Variants in DAB1 observed in about 807,000 individuals in gnomAD.
DAB1 encodes DAB adaptor protein 1.
A neutral mutation model predicts 64.6 loss-of-function variants in DAB1; 15 were observed. The ratio of observed to expected loss-of-function variants is 0.23; its 90% CI spans 0.16 to 0.36. The LOEUF (loss-of-function observed/expected upper bound fraction) is 0.36. Among genes scored for constraint, DAB1 ranks in the 10% least tolerant of loss-of-function variants. The probability of loss-of-function intolerance (pLI) is 1.00; values close to 1 mark genes in which losing one functional copy is unlikely to be tolerated. For missense variants in DAB1, 596 were observed against 706.7 expected (o/e 0.84, Z 1.78); for synonymous variants, 235 against 251.9 (o/e 0.93, Z 0.64).
intron 1 of DAB1, among the ~76,000 whole-genome samples, chr1:58,543,041 A>C (rs1313992504): frequency 1.3e-5 from 2 of 152,156 alleles, no homozygotes; most frequent in Non-Finnish European, 2.9e-5. Flanking sequence ...TTAAGTGTAG[A>C]CAGAAGATAA....
chr1:58,253,976 C>A (rs1213936903), intron 4 of DAB1, among the ~76,000 whole-genome samples: 1 of 152,098 alleles, frequency 6.6e-6, no homozygotes, highest in Admixed American at 6.5e-5. Context: ...TTGTAAAGCA[C>A]CCTACAAGGA....
intron 5 of DAB1, among the ~76,000 whole-genome samples, chr1:58,141,778 T>C (rs1654299057): frequency 6.6e-6 from 1 of 151,854 alleles, no homozygotes; most frequent in Non-Finnish European, 1.5e-5. Context: ...TTTTATGGAG[T>C]TGGTAATGGA....
chr1:58,487,099 G>A (rs926307886), intron 3 of DAB1, among the ~76,000 whole-genome samples: 5 of 152,222 alleles, frequency 3.3e-5, no homozygotes, highest in African/African-American at 9.6e-5. Context: ...ACGTGACATC[G>A]TGAGGTGAAA....
intron 7 of DAB1, among the ~76,000 whole-genome samples, chr1:57,601,544 C>T (rs1036635441): frequency 1.3e-5 from 2 of 152,024 alleles, no homozygotes; most frequent in African/African-American, 2.4e-5. Flanking sequence ...CTGGAGTCTC[C>T]AGCTGGAGAC....
chr1:58,218,398 G>A (rs1195330526), intron 4 of DAB1, among the ~76,000 whole-genome samples: 5 of 152,142 alleles, frequency 3.3e-5, no homozygotes, highest in Non-Finnish European at 5.9e-5. Context: ...TGAGGGTGAG[G>A]TTAAGAATTT....
At chr1:57,777,141 C>CTTTTTTTTTTT (rs71051255) in intron 6 of DAB1, among the ~76,000 whole-genome samples, 1 of 90,404 alleles carries the variant, frequency 1.1e-5, no homozygotes, top group African/African-American at 4.5e-5. Flanking sequence ...TTCTGAATTT[C>CTTTTTTTTTTT]TTTTTTTTTT....
In DAB1 at chr1:57,908,589, T is replaced by A. The variant is rs555146535; in HGVS notation, n.388-24427A>T. ...CACAGGCACAATCCTGCCTACCATA[T>A]TCCAAGCGCAGTCAGAGTCCTCAGG... On this transcript the variant is annotated intron_variant and non_coding_transcript_variant, in intron 5 of 20. Transcript: ENST00000485760. Among the ~76,000 whole-genome samples, 21 of 148,380 alleles carry A rather than the reference T, an allele frequency of 1.4e-4. No homozygotes were observed. In the South Asian group the frequency reaches 4.5e-3, roughly 31 times the overall value.
At chr1:57,261,418 C>T (rs906976674) in intron 2 of DAB1, among the ~76,000 whole-genome samples, 2 of 152,278 alleles carry the variant, frequency 1.3e-5, no homozygotes, top group African/African-American at 4.8e-5. Flanking sequence ...GCATGGTTGA[C>T]CCCTTACCAT....
At position 57,696,278 on chromosome 1, in the gene DAB1, T is replaced by C. The variant is rs531779054; in HGVS notation, n.552-46613A>G. ...TGTTCCCCGGGAAACAGGCCTGAGA[T>C]GGAAATCTGCAAGCAGGAGTTTTGT... is the stretch of plus-strand genomic sequence containing the variant. On this transcript the variant is annotated intron_variant and non_coding_transcript_variant, in intron 6 of 20. Transcript: ENST00000485760. Among the ~76,000 whole-genome samples the C allele has an allele frequency of 5.5e-4, 83 of 152,188 alleles. 1 individual carries two copies. Among genetic ancestry groups the C allele is most frequent in the Middle Eastern group, 3.4e-3 (1 of 294 alleles).
chr1:58,412,104 C>G (rs965435334), intron 3 of DAB1, among the ~76,000 whole-genome samples: 1 of 152,186 alleles, frequency 6.6e-6, no homozygotes, highest in Non-Finnish European at 1.5e-5. Context: ...ACCCAGAGTC[C>G]TCCCTTATCT....
At chr1:58,263,283 C>T (rs1370798334) in intron 4 of DAB1, among the ~76,000 whole-genome samples, 4 of 152,076 alleles carry the variant, frequency 2.6e-5, no homozygotes, top group Non-Finnish European at 4.4e-5. Context: ...TGATGATAGC[C>T]GACATTTATT....
intron 4 of DAB1, among the ~76,000 whole-genome samples, chr1:58,196,371 T>G (rs1192415851): frequency 6.6e-6 from 1 of 151,796 alleles, no homozygotes; most frequent in African/African-American, 2.4e-5. Context: ...ATAACTTGAG[T>G]TTTTTCTTAG....
At chr1:57,192,647 T>C (rs956001638) in intron 2 of DAB1, among the ~76,000 whole-genome samples, 1 of 152,222 alleles carries the variant, frequency 6.6e-6, no homozygotes, top group Non-Finnish European at 1.5e-5. Flanking sequence ...CTGTGTTCTC[T>C]ACCTGCACCA....
intron 11 of DAB1, among the ~76,000 whole-genome samples, chr1:57,022,137 G>C (rs1178526023): frequency 6.6e-6 from 1 of 152,180 alleles, no homozygotes; most frequent in Non-Finnish European, 1.5e-5. Flanking sequence ...GGAACATAGA[G>C]GGCACCTGGT....
In DAB1 at chr1:57,315,793, C is replaced by A. The variant is rs141527091; in HGVS notation, c.-136-24627G>T. On this transcript the variant is annotated intron_variant, in intron 1 of 14. Coordinates refer to ENST00000371236, the MANE Select transcript of DAB1 (RefSeq NM_001365792.1). ...CTGGGATTACAGGCATGAGCCACCG[C>A]GCCCGGCCACCTATTATATGATCTT... Among the ~76,000 whole-genome samples the A allele has an allele frequency of 2.6e-4, 40 of 152,268 alleles. 1 individual carries two copies. Among genetic ancestry groups the A allele is most frequent in the Middle Eastern group, 6.8e-3 (2 of 294 alleles).
At chr1:57,086,979 T>C (rs1267014936) in intron 4 of DAB1, among the ~76,000 whole-genome samples, 1 of 152,170 alleles carries the variant, frequency 6.6e-6, no homozygotes, top group East Asian at 1.9e-4. Context: ...TCCCCATTTG[T>C]GGGATACTGT....
rs375682311 is a variant in DAB1 at position 58,301,236 on chromosome 1, G to A, written n.309+42116C>T. Reference sequence around the variant, plus strand: ...AGAGCAGATATGTGGGGGTGGAGAGGGGGGGGTCATGAAATTAACTAAGTC... The same window carrying A: ...AGAGCAGATATGTGGGGGTGGAGAGAGGGGGGTCATGAAATTAACTAAGTC... On this transcript the variant is annotated intron_variant and non_coding_transcript_variant, in intron 4 of 20. Transcript: ENST00000485760. Among the ~76,000 whole-genome samples the A allele has an allele frequency of 1.8e-4, 26 of 141,870 alleles. 1 individual carries two copies. Among genetic ancestry groups the A allele is most frequent in the South Asian group, 2.3e-4 (1 of 4,348 alleles). The allele number at this position is 141,870 out of a possible 152,430, so 93.1% of individuals were successfully genotyped here.
chr1:57,408,856 T>G (rs1231981349), intron 1 of DAB1, among the ~76,000 whole-genome samples: 7 of 152,188 alleles, frequency 4.6e-5, no homozygotes, highest in Admixed American at 2.6e-4. Context: ...CATGGAGTGT[T>G]GCAGAAAGTT....
intron 7 of DAB1, among the ~76,000 whole-genome samples, chr1:57,477,316 C>T (rs1243526699): frequency 6.6e-6 from 1 of 152,162 alleles, no homozygotes; most frequent in Admixed American, 6.5e-5. Flanking sequence ...TTTAATAAAA[C>T]AATACTTACC....
Sources: allele counts gnomAD v4.1 joint callset (sites outside exome capture counted in the v4.1 genomes callset), GRCh38; gene constraint gnomAD v4.1.1; transcripts MANE v1.5; gene names NCBI Gene and HGNC (gene_info 2026-07-23, HGNC 2026-07-21).